ZNF451: variants seen among roughly 807,000 people sequenced by gnomAD.
ZNF451 encodes E3 SUMO-protein ligase ZNF451.
In ZNF451, 80 loss-of-function variants were observed where a neutral mutation model predicts 107.1. The ratio of observed to expected loss-of-function variants is 0.75; its 90% confidence interval spans 0.62 to 0.90. The LOEUF (loss-of-function observed/expected upper bound fraction) is 0.90. Among genes scored for constraint, ZNF451 ranks in the 40% least tolerant of loss-of-function variants. The pLI, the probability that ZNF451 is intolerant of heterozygous loss-of-function variation, is 0.00. For missense variants in ZNF451, 1,107 were observed against 1,236.2 expected (o/e 0.90, Z 1.57); for synonymous variants, 362 against 406.5 (o/e 0.89, Z 1.32).
chr6:57,166,324 G>C (rs1763894847), intron 14 of ZNF451, among the ~76,000 whole-genome samples: 1 of 152,122 alleles, frequency 6.6e-6, no homozygotes, highest in South Asian at 2.1e-4. Flanking sequence ...ACTGTGCCTG[G>C]CCTATACTAC....
At position 57,130,000 on chromosome 6, in the gene ZNF451, A is replaced by G. The variant is rs79429314; in HGVS notation, c.424+1160A>G. On this transcript the variant is annotated intron_variant, in intron 5 of 14. Transcript: ENST00000370706. ...TCAATACTTTATTCATTTCACTAAT[A>G]CAGTATTTATTATGTTCGATTGATC... Among the ~76,000 whole-genome samples the G allele has an allele frequency of 1.2e-3, 187 of 152,218 alleles. No individual in the cohort carries two copies. In the East Asian group the frequency reaches 0.018, roughly 14 times the overall value.
chr6:57,104,587 C>T, intron 3 of ZNF451: 1 of 985,098 alleles, frequency 1.0e-6, no homozygotes, highest in Non-Finnish European at 1.2e-6. Context: ...CTTCCCTTTG[C>T]CTTTTAAATT....
rs1430768759 is a variant in ZNF451, at chr6:57,168,846, A to C, written c.*377A>C. On this transcript the variant is annotated 3_prime_UTR_variant, in exon 15 of 15. Transcript: ENST00000370706. ...TGTACTGTACAAATGATGCTAGTTT[A>C]TTTTTTTAGCAGTGAAAATGAATAT... 1 of 159,350 alleles carries C rather than the reference A, an allele frequency of 6.3e-6. No homozygotes were observed. The highest frequency in any genetic ancestry group is 1.4e-5 in the Non-Finnish European group (1 of 73,258). 9.9% of individuals were successfully genotyped at this position (159,350 alleles called of 1,614,324 possible). A position where few individuals can be genotyped will look rare whatever the true frequency, so the allele number is the denominator to read the frequency against.
At chr6:57,097,143 C>T (rs888035105) in intron 2 of ZNF451, among the ~76,000 whole-genome samples, 1 of 152,118 alleles carries the variant, frequency 6.6e-6, no homozygotes, top group Non-Finnish European at 1.5e-5. Context: ...GAGAGTATTG[C>T]TTCCTCTGTT....
intron 3 of ZNF451, among the ~76,000 whole-genome samples, chr6:57,118,724 ACCT>A (rs762537946): frequency 2.8e-4 from 43 of 151,990 alleles, no homozygotes; most frequent in South Asian, 6.2e-4. Context: ...GCTCAAGTGA[ACCT>A]CCTGCCTCAG....
chr6:57,156,104 T>C (rs569277313), intron 13 of ZNF451, among the ~76,000 whole-genome samples: 2 of 152,262 alleles, frequency 1.3e-5, no homozygotes, highest in African/African-American at 2.4e-5. Context: ...TAAAGCACTT[T>C]AGCTATTTAA....
intron 3 of ZNF451, among the ~76,000 whole-genome samples, chr6:57,114,341 A>C (rs995434726): frequency 6.6e-6 from 1 of 152,228 alleles, no homozygotes; most frequent in East Asian, 1.9e-4. Flanking sequence ...TTTTAAATAC[A>C]CTTTAAAATA....
At chr6:57,144,266 G>A (rs1407625002) in intron 9 of ZNF451, among the ~76,000 whole-genome samples, 2 of 142,232 alleles carry the variant, frequency 1.4e-5, no homozygotes, top group Non-Finnish European at 3.0e-5. Context: ...TTAAAGATAG[G>A]GTCTCTGTCT....
intron 3 of ZNF451, among the ~76,000 whole-genome samples, chr6:57,110,945 A>T (rs1830077078): frequency 1.4e-5 from 2 of 144,126 alleles, no homozygotes; most frequent in Non-Finnish European, 1.5e-5. Context: ...TTTTTGAGAC[A>T]GTCTCACTCT....
Position 57,147,166 on chromosome 6 carries a change from A to C in ZNF451, c.1081A>C (p.Arg361=). 1.2e-6 allele frequency: 2 copies of C among 1,614,096 alleles called. No individual in the cohort carries two copies. Among genetic ancestry groups the C allele is most frequent in the Non-Finnish European group, 1.7e-6 (2 of 1,179,950 alleles). The change falls in exon 10 of 15, where the codon AGA becomes CGA. Residue 361 remains arginine (R), a synonymous_variant. Transcript: ENST00000370706. ...CCAGGTTGCAGAGAAATTCATATTA[A>C]GAGGTTATTGTCCAGATTGCAATCA... is the stretch of plus-strand genomic sequence containing the variant. The part of the protein sequence containing the change: ...ITQVAEKFIL[R]GYCPDCNQVF...
At chr6:57,093,470 A>C (rs1213480996) in intron 2 of ZNF451, among the ~76,000 whole-genome samples, 3 of 152,214 alleles carry the variant, frequency 2.0e-5, no homozygotes, top group Non-Finnish European at 2.9e-5. Flanking sequence ...TGAAGCTCAT[A>C]ATATGCAAAG....
chr6:57,120,261 C>A (rs1830575790), intron 3 of ZNF451, among the ~76,000 whole-genome samples: 1 of 152,112 alleles, frequency 6.6e-6, no homozygotes, highest in African/African-American at 2.4e-5. Flanking sequence ...TAGCTCAATT[C>A]TTTTTAGCAT....
Position 57,147,062 on chromosome 6 carries a change from ACTTT to A in ZNF451, c.1005-25_1005-22del, listed in dbSNP as rs539765509. 38 of 1,549,320 alleles carry A rather than the reference ACTTT, an allele frequency of 2.5e-5. No homozygotes were observed. The East Asian group carries it at 7.5e-4, about 30-fold the overall frequency. Reference sequence around the variant, plus strand: ...TATATTTAGAAAATACTTCTGAAAGACTTTCTATTTCTTTTTATCTAATTTAGAG... The same window carrying A: ...TATATTTAGAAAATACTTCTGAAAGACTATTTCTTTTTATCTAATTTAGAG... On this transcript the variant is annotated intron_variant, in intron 9 of 14. Coordinates refer to ENST00000370706, the MANE Select transcript of ZNF451 (RefSeq NM_001031623.3).
At position 57,169,982 on chromosome 6, in the gene ZNF451, G is replaced by A. The variant is rs1280981630; in HGVS notation, c.*1513G>A. The A allele has an allele frequency of 6.6e-6, 1 of 151,778 alleles. No individual in the cohort carries two copies. Among genetic ancestry groups the A allele is most frequent in the Non-Finnish European group, 1.5e-5 (1 of 67,934 alleles). The allele number at this position is 151,778 out of a possible 1,614,324, so 9.4% of individuals were successfully genotyped here. ...GGGCAAGAGGAGACAGCACCTTGTT[G>A]CCAGAGATTCTACACAAAGGTGTGA... On this transcript the variant is annotated 3_prime_UTR_variant, in exon 15 of 15. Coordinates refer to ENST00000370706, the MANE Select transcript of ZNF451 (RefSeq NM_001031623.3).
At chr6:57,138,887 G>A (rs756944819) in intron 7 of ZNF451, among the ~76,000 whole-genome samples, 1 of 148,994 alleles carries the variant, frequency 6.7e-6, no homozygotes, top group Non-Finnish European at 1.5e-5. Flanking sequence ...TTACAGGTGT[G>A]AGCCACTGCT....
intron 7 of ZNF451, 37 bp from the exon 8 acceptor site, chr6:57,141,265 T>C: frequency 6.7e-7 from 1 of 1,496,558 alleles, no homozygotes; most frequent in Non-Finnish European, 9.0e-7. Flanking sequence ...AGTGTTTATT[T>C]TAGTTTTCCA....
chr6:57,095,815 TTGTTGTTG>T (rs780684255), intron 2 of ZNF451, among the ~76,000 whole-genome samples: 88 of 149,200 alleles, frequency 5.9e-4, no homozygotes, highest in African/African-American at 1.9e-3. Context: ...CTTTTTTTTT[TTGTTGTTG>T]TTGTTGTTGT....
At chr6:57,137,490 C>A (rs1354537197) in intron 7 of ZNF451, among the ~76,000 whole-genome samples, 1 of 152,192 alleles carries the variant, frequency 6.6e-6, no homozygotes, top group African/African-American at 2.4e-5. Context: ...ATATTTCTAA[C>A]AAGCTTTTAG....
chr6:57,099,326 TTGAA>T (rs770006582), intron 3 of ZNF451, 185 bp downstream of exon 3: 200 of 641,174 alleles, frequency 3.1e-4, no homozygotes, highest in Non-Finnish European at 5.1e-4. Flanking sequence ...TTCCTCTACT[TTGAA>T]TGAGATTATG....
Sources: gnomAD v4.1 joint callset for allele counts (sites outside exome capture counted in the v4.1 genomes callset) on GRCh38, gnomAD v4.1.1 for gene constraint, MANE v1.5 for transcripts, NCBI Gene and HGNC (gene_info 2026-07-23, HGNC 2026-07-21) for gene names.